The following PHRF1 variants were observed in gnomAD, a reference collection of about 807,000 sequenced individuals.
PHRF1 encodes PHD and ring finger domains 1.
Under a neutral mutation model 128.9 loss-of-function variants are expected in PHRF1, and 53 were observed. The observed-to-expected ratio is 0.41, with a 90% CI of 0.33 to 0.52. PHRF1 has a LOEUF of 0.52. PHRF1 is among the 20% of genes least tolerant of loss of function. PHRF1 has a pLI of 0.21. For missense variants in PHRF1, 2,503 were observed against 2,284.5 expected (o/e 1.10, Z -1.95); for synonymous variants, 1,178 against 980.6 (o/e 1.20, Z -3.76).
At position 611,056 on chromosome 11, in the gene PHRF1, G is replaced by A. The variant is rs374470995; in HGVS notation, c.4780G>A (p.Asp1594Asn). The change falls in exon 17 of 18, where the codon GAC becomes AAC. Residue 1594 changes from aspartate (D) to asparagine (N), a missense_variant. By Grantham distance (23) the Asp-to-Asn change is conservative. Transcript: ENST00000264555. ...GGAGGTGACCAAGGAGGAGTACAAG[G>A]ACATCCTGCGCAAGGCCGTGCAGAA... ...KREVTKEEYK[D>N]ILRKAVQKIC... 2.2e-5 allele frequency: 35 copies of A among 1,613,184 alleles called. No individual in the cohort carries two copies. The highest frequency in any genetic ancestry group is 3.0e-5 in the Non-Finnish European group (35 of 1,179,728).
intron 8 of PHRF1, 151 bp from the exon 9 acceptor site, chr11:598,222 G>A: frequency 3.4e-6 from 4 of 1,173,210 alleles, no homozygotes; most frequent in Non-Finnish European, 4.6e-6. Context: ...GGGAGAGGAA[G>A]GCCGGGCCGT....
At chr11:606,640 G>A (rs747923403) in intron 13 of PHRF1, 44 bp downstream of exon 13, 23 of 1,559,930 alleles carry the variant, frequency 1.5e-5, no homozygotes, top group Non-Finnish European at 1.9e-5. Context: ...GTGGGCTGCT[G>A]GTCCTCAGGC....
intron 15 of PHRF1, 51 bp downstream of exon 15, chr11:610,398 C>G (rs185727418): frequency 6.5e-7 from 1 of 1,533,728 alleles, no homozygotes; most frequent in East Asian, 2.4e-5. Flanking sequence ...GCCTGGCACC[C>G]GTGCCACACA....
rs768942785 is a variant in PHRF1 at position 608,423 on chromosome 11, C to G, written c.2967C>G (p.Pro989=). The part of the protein sequence containing the change: ...AATHRVVELR[P]PSRSRSTSSS... Reference sequence around the variant, plus strand: ...CCCACAGAGTCGTGGAGCTCAGGCCCCCTTCCCGGTCCCGCTCCACATCCA... The same window carrying G: ...CCCACAGAGTCGTGGAGCTCAGGCCGCCTTCCCGGTCCCGCTCCACATCCA... Residue 989 remains proline, a synonymous_variant, in exon 14 of 18, where the codon CCC becomes CCG. Transcript: ENST00000264555. 36 of 1,611,814 alleles carry G rather than the reference C, an allele frequency of 2.2e-5. No individual in the cohort carries two copies. The highest frequency in any genetic ancestry group is 3.1e-5 in the Non-Finnish European group (36 of 1,179,610).
chr11:593,884 T>C (rs1034202759), intron 6 of PHRF1, among the ~76,000 whole-genome samples: 1 of 152,182 alleles, frequency 6.6e-6, no homozygotes, highest in African/African-American at 2.4e-5. Flanking sequence ...AATCCATGTT[T>C]TGTGAGTTTC....
intron 4 of PHRF1, among the ~76,000 whole-genome samples, chr11:591,050 T>C (rs1018528300): frequency 7.9e-5 from 12 of 152,184 alleles, no homozygotes; most frequent in African/African-American, 2.9e-4. Flanking sequence ...CAACAATCTT[T>C]TGGAAAAGTT....
chr11:598,599 T>G, intron 9 of PHRF1, 97 bp downstream of exon 9: 1 of 1,447,954 alleles, frequency 6.9e-7, no homozygotes, highest in East Asian at 2.5e-5. Flanking sequence ...GCATTTCCAT[T>G]TCTTCTTTCT....
rs758420556 is a variant in PHRF1 at position 608,026 on chromosome 11, C to G, written c.2570C>G (p.Ser857Cys). The G allele has an allele frequency of 1.9e-6, 3 of 1,611,182 alleles. No homozygotes were observed. Among genetic ancestry groups the G allele is most frequent in the Middle Eastern group, 1.6e-4 (1 of 6,084 alleles). The stretch of plus-strand genomic sequence containing the variant: ...AGGTCTGGCCCCGGCCTCCTGCCCT[C>G]TGAGATCACACGAACCATCTCCATC... ...PERSGPGLLP[S>C]EITRTISINS... Residue 857 changes from serine (S) to cysteine (C), a missense_variant, in exon 14 of 18, where the codon TCT (serine) becomes TGT (cysteine). By Grantham distance (112) the Ser-to-Cys change is moderately radical. Transcript: ENST00000264555.
Position 608,731 on chromosome 11 carries a change from G to C in PHRF1, c.3275G>C (p.Arg1092Pro), listed in dbSNP as rs1199430082. 1.2e-6 allele frequency: 2 copies of C among 1,611,112 alleles called. No homozygotes were observed. The highest frequency in any genetic ancestry group is 1.7e-6 in the Non-Finnish European group (2 of 1,179,406). ...CACAGCCGGAGGACGTCCCGGTCGC[G>C]GTCGGGGAGCCCTGGCAGCTCTTCC... ...WGHSRRTSRS[R>P]SGSPGSSSYE... Residue 1092 changes from arginine to proline, a missense_variant, in exon 14 of 18, where the codon CGG (arginine) becomes CCG (proline). Physicochemically the swap from Arg to Pro is moderately radical, Grantham distance 103 (BLOSUM62 -2). Transcript: ENST00000264555.
chr11:585,580 C>A (rs1854485678), intron 3 of PHRF1, among the ~76,000 whole-genome samples: 1 of 121,768 alleles, frequency 8.2e-6, no homozygotes, highest in East Asian at 2.3e-4. Context: ...GGTAGTAGCC[C>A]TTTCCAGCTT....
chr11:609,470 A>C lies in PHRF1; in HGVS notation c.4014A>C (p.Pro1338=), dbSNP rs560764213. ...DEDPSQPPPL[P]EGTQEPHLLR... is the part of the protein sequence containing the mutation. The stretch of plus-strand genomic sequence containing the variant: ...ACCCTTCGCAGCCCCCACCCCTGCC[A>C]GAGGGCACCCAGGAGCCACATTTGC... The change falls in exon 14 of 18, where the codon CCA becomes CCC. Residue 1338 remains proline (P), a synonymous_variant. Transcript: ENST00000264555. 6 of 1,605,446 alleles carry C rather than the reference A, an allele frequency of 3.7e-6. No individual in the cohort carries two copies. In the African/African-American group the frequency reaches 8.0e-5, roughly 21 times the overall value.
chr11:595,658 T>A (rs946965293), intron 6 of PHRF1, among the ~76,000 whole-genome samples: 1 of 152,234 alleles, frequency 6.6e-6, no homozygotes, highest in African/African-American at 2.4e-5. Flanking sequence ...AGGCCTGGCC[T>A]GGCTGTGGAT....
At position 607,869 on chromosome 11, in the gene PHRF1, G is replaced by T; in HGVS notation, c.2413G>T (p.Asp805Tyr). Residue 805 changes from aspartate to tyrosine, a missense_variant, in exon 14 of 18, where the codon GAT becomes TAT. By Grantham distance (160) the Asp-to-Tyr change is radical (BLOSUM62 -3). Coordinates refer to ENST00000264555, the MANE Select transcript of PHRF1 (RefSeq NM_001286581.2). ...GFCNTFRPVDDKEQRKENPSP... is the reference protein window; with the variant it reads ...GFCNTFRPVDYKEQRKENPSP... Reference sequence around the variant, plus strand: ...CTGTAACACGTTCCGGCCTGTGGACGATAAGGAGCAGAGGAAGGAGAACCC... The same window carrying T: ...CTGTAACACGTTCCGGCCTGTGGACTATAAGGAGCAGAGGAAGGAGAACCC... The T allele has an allele frequency of 1.2e-6, 2 of 1,612,782 alleles. No individual in the cohort carries two copies. Among genetic ancestry groups the T allele is most frequent in the East Asian group, 4.5e-5 (2 of 44,874 alleles).
At chr11:606,789 A>G (rs1419081252) in intron 13 of PHRF1, 193 bp downstream of exon 13, 2 of 926,392 alleles carry the variant, frequency 2.2e-6, no homozygotes, top group Non-Finnish European at 3.1e-6. Flanking sequence ...ACCCAGCCCC[A>G]CAGCTTCATG....
At chr11:589,602 G>A (rs994127768) in intron 4 of PHRF1, among the ~76,000 whole-genome samples, 2 of 152,156 alleles carry the variant, frequency 1.3e-5, no homozygotes, top group Non-Finnish European at 2.9e-5. Context: ...CTGTGGGGCA[G>A]GTCAGCTGGG....
chr11:581,364 C>T (rs2134172837), intron 1 of PHRF1, 128 bp from the exon 2 acceptor site: 1 of 715,694 alleles, frequency 1.4e-6, no homozygotes, highest in Non-Finnish European at 2.3e-6. Context: ...TCTCAGGGCT[C>T]ACTCTTCACG....
rs1156855980 is a variant in PHRF1 at position 587,247 on chromosome 11, T to G, written c.215-12T>G. 4 of 1,611,998 alleles carry G rather than the reference T, an allele frequency of 2.5e-6. No homozygotes were observed. Among genetic ancestry groups the G allele is most frequent in the Non-Finnish European group, 3.4e-6 (4 of 1,179,450 alleles). On this transcript the variant is annotated splice_polypyrimidine_tract_variant and intron_variant, in intron 3 of 17. Coordinates refer to ENST00000264555, the MANE Select transcript of PHRF1 (RefSeq NM_001286581.2). Reference sequence around the variant, plus strand: ...CATCCTGCTTGCACCAGCTGGCATGTTTCCTCTCCAGGTTCCGAGGATTCT... The same window carrying G: ...CATCCTGCTTGCACCAGCTGGCATGGTTCCTCTCCAGGTTCCGAGGATTCT...
chr11:579,467 G>C lies in PHRF1; in HGVS notation c.-21-2025G>C, dbSNP rs534120400. Among the ~76,000 whole-genome samples the C allele has an allele frequency of 2.6e-5, 4 of 152,322 alleles. No homozygotes were observed. The East Asian group carries it at 7.7e-4, about 29-fold the overall frequency. On this transcript the variant is annotated intron_variant, in intron 1 of 17. Transcript: ENST00000264555. ...TGTTGTCAGGGTGGTCACAGCTATT[G>C]CCAGGGAGTTAAGGTCCTCTTATCT...
chr11:583,516 CA>C (rs1451862588), intron 3 of PHRF1, among the ~76,000 whole-genome samples: 1 of 152,178 alleles, frequency 6.6e-6, no homozygotes, highest in African/African-American at 2.4e-5. Context: ...GACTCTGTCT[CA>C]AAAAGATAAA....
Sources: gnomAD v4.1 joint callset for allele counts (sites outside exome capture counted in the v4.1 genomes callset) on GRCh38, gnomAD v4.1.1 for gene constraint, MANE v1.5 for transcripts, NCBI Gene and HGNC (gene_info 2026-07-23, HGNC 2026-07-21) for gene names.